The following AUTS2 variants were observed in gnomAD, a reference collection of about 807,000 sequenced individuals.
AUTS2 encodes the protein activator of transcription and developmental regulator AUTS2, also known as autism susceptibility gene 2 protein.
In AUTS2, 17 loss-of-function variants were observed where a neutral mutation model predicts 112.4. The ratio of observed to expected loss-of-function variants is 0.15; its 90% CI spans 0.10 to 0.23. The LOEUF is 0.23. AUTS2 is among the 10% of genes least tolerant of loss of function. The probability of loss-of-function intolerance (pLI) is 1.00; values close to 1 mark genes in which losing one functional copy is unlikely to be tolerated. For missense variants in AUTS2, 1,510 were observed against 1,701.6 expected, an observed-to-expected ratio of 0.89 and a Z score of 1.98; for synonymous variants, 751 against 702.7, an observed-to-expected ratio of 1.07 and a Z score of -1.09.
At chr7:70,280,411 G>A (rs1293306174) in intron 4 of AUTS2, among the ~76,000 whole-genome samples, 1 of 149,796 alleles carries the variant, frequency 6.7e-6, no homozygotes, top group South Asian at 2.1e-4. Flanking sequence ...AGCCTCCTGA[G>A]TAGCTGGGAT....
At chr7:69,822,684 A>C (rs1263221832) in intron 1 of AUTS2, among the ~76,000 whole-genome samples, 2 of 152,232 alleles carry the variant, frequency 1.3e-5, no homozygotes, top group African/African-American at 4.8e-5. Flanking sequence ...GAGTTTTAGC[A>C]CAGGACAGAT....
At chr7:70,140,507 G>A (rs1393765066) in intron 4 of AUTS2, among the ~76,000 whole-genome samples, 1 of 152,070 alleles carries the variant, frequency 6.6e-6, no homozygotes, top group Non-Finnish European at 1.5e-5. Context: ...TGGTGCTGAC[G>A]GCAGCTCCAT....
At chr7:70,609,224 C>T (rs1380156119) in intron 5 of AUTS2, among the ~76,000 whole-genome samples, 4 of 152,136 alleles carry the variant, frequency 2.6e-5, no homozygotes, top group Non-Finnish European at 5.9e-5. Context: ...CCAACCCCTC[C>T]GCCCAGCCCC....
At chr7:69,809,249 T>C (rs1291523812) in intron 1 of AUTS2, among the ~76,000 whole-genome samples, 2 of 151,618 alleles carry the variant, frequency 1.3e-5, no homozygotes, top group Admixed American at 6.6e-5. Flanking sequence ...TAATTTTTTG[T>C]ATTTTTTTTT....
intron 2 of AUTS2, among the ~76,000 whole-genome samples, chr7:69,934,077 G>A (rs1429747318): frequency 6.6e-6 from 1 of 152,122 alleles, no homozygotes; most frequent in South Asian, 2.1e-4. Context: ...AGTTAGCTGC[G>A]GAATCTAGTT....
In AUTS2 at chr7:70,370,719, T is replaced by A. The variant is rs1340162540; in HGVS notation, c.661-65033T>A. Reference sequence around the variant, plus strand: ...CACATCTTATAGTGGAACTGCAGAGTCACTATCATTTAACCATTTGAGTAA... The same window carrying A: ...CACATCTTATAGTGGAACTGCAGAGACACTATCATTTAACCATTTGAGTAA... On this transcript the variant is annotated intron_variant, in intron 4 of 18. Transcript: ENST00000342771. 2.0e-5 allele frequency among the ~76,000 whole-genome samples: 3 copies of A among 152,198 alleles called. No homozygotes were observed. The East Asian group carries it at 5.8e-4, about 29-fold the overall frequency.
intron 2 of AUTS2, among the ~76,000 whole-genome samples, chr7:69,964,784 T>C (rs1007551859): frequency 3.9e-5 from 6 of 152,020 alleles, no homozygotes; most frequent in Admixed American, 2.6e-4. Context: ...TTTTTTGCTA[T>C]CATGTCTCTA....
rs542577361 is a variant in AUTS2 at position 70,602,179 on chromosome 7, A to G, written c.691-96390A>G. ...ATTTCAAAACAGCAAAACCTTTGCC[A>G]TCATCCTCTCACATAGCTAGGGCCT... On this transcript the variant is annotated intron_variant, in intron 5 of 18. Transcript: ENST00000342771. 2.5e-4 allele frequency among the ~76,000 whole-genome samples: 12 copies of G among 47,490 alleles called. No homozygotes were observed. In the East Asian group the frequency reaches 3.2e-3, roughly 13 times the overall value. The allele number at this position is 47,490 out of a possible 152,430, so 31.2% of individuals were successfully genotyped here.
chr7:70,531,436 G>A (rs1485426021), intron 5 of AUTS2, among the ~76,000 whole-genome samples: 1 of 152,162 alleles, frequency 6.6e-6, no homozygotes, highest in Non-Finnish European at 1.5e-5. Context: ...AAAGAAAAGA[G>A]GTTTATTTGA....
At chr7:70,787,527 G>C (rs1791587888) in intron 18 of AUTS2, 96 bp downstream of exon 18, 1 of 897,384 alleles carries the variant, frequency 1.1e-6, no homozygotes, top group Admixed American at 2.8e-5. Flanking sequence ...TCCCAGCCTC[G>C]TGCTTTAGCC....
At chr7:69,801,435 A>T (rs1218735026) in intron 1 of AUTS2, among the ~76,000 whole-genome samples, 1 of 150,348 alleles carries the variant, frequency 6.7e-6, no homozygotes, top group Admixed American at 6.7e-5. Flanking sequence ...ATATATACAT[A>T]TATATGTATG....
chr7:69,659,929 A>G (rs934230968), intron 1 of AUTS2, among the ~76,000 whole-genome samples: 1 of 152,186 alleles, frequency 6.6e-6, no homozygotes, highest in African/African-American at 2.4e-5. Context: ...CCCTGCCCTT[A>G]GTTGTTAACC....
At chr7:69,919,859 C>T (rs774222599) in intron 2 of AUTS2, among the ~76,000 whole-genome samples, 2 of 152,098 alleles carry the variant, frequency 1.3e-5, no homozygotes, top group Non-Finnish European at 2.9e-5. Context: ...TATGTGATAC[C>T]TACAAAGAAC....
chr7:70,111,436 C>G (rs1805084035), intron 2 of AUTS2, among the ~76,000 whole-genome samples: 1 of 152,102 alleles, frequency 6.6e-6, no homozygotes, highest in African/African-American at 2.4e-5. Flanking sequence ...CCATAAAATT[C>G]ACTCATTGTA....
intron 2 of AUTS2, among the ~76,000 whole-genome samples, chr7:70,112,213 A>T (rs1483196645): frequency 6.6e-6 from 1 of 151,722 alleles, no homozygotes; most frequent in African/African-American, 2.4e-5. Context: ...TGTATGTGTG[A>T]TTTTGTCTTT....
rs149027825 is a variant in AUTS2 at position 70,090,839 on chromosome 7, C to T, written c.523-27293C>T. 1.1e-3 allele frequency among the ~76,000 whole-genome samples: 170 copies of T among 151,920 alleles called. 1 individual carries two copies. The highest frequency in any genetic ancestry group is 3.4e-3 in the African/African-American group (139 of 41,420). ...GACTACAGATGTGCACCACCATGCC[C>T]GGCTAATTTTTGTATTTTTAGTAGA... On this transcript the variant is annotated intron_variant, in intron 2 of 18. Transcript: ENST00000342771.
At chr7:70,197,558 T>TC (rs1810253557) in intron 4 of AUTS2, among the ~76,000 whole-genome samples, 1 of 116,364 alleles carries the variant, frequency 8.6e-6, no homozygotes, top group Non-Finnish European at 1.8e-5. Flanking sequence ...GAGTTCCCTT[T>TC]CCGAGTCAAA....
intron 2 of AUTS2, among the ~76,000 whole-genome samples, chr7:70,074,230 G>A (rs2129563430): frequency 6.6e-6 from 1 of 152,332 alleles, no homozygotes; most frequent in Middle Eastern, 3.4e-3. Flanking sequence ...CTCCTGGAAA[G>A]AAGTAACGGG....
intron 5 of AUTS2, among the ~76,000 whole-genome samples, chr7:70,447,654 T>TG (rs1243290734): frequency 3.3e-5 from 5 of 152,180 alleles, no homozygotes; most frequent in African/African-American, 1.2e-4. Flanking sequence ...CTCTCCCACA[T>TG]GCCACATTCC....
Sources: gnomAD v4.1 joint callset for allele counts (sites outside exome capture counted in the v4.1 genomes callset) on GRCh38, gnomAD v4.1.1 for gene constraint, MANE v1.5 for transcripts, NCBI Gene and HGNC (gene_info 2026-07-23, HGNC 2026-07-21) for gene names.